CADPS: variants seen among roughly 807,000 people sequenced by gnomAD.
CADPS encodes the protein calcium-dependent secretion activator 1.
CADPS carries 57 observed loss-of-function variants against 167.3 expected under a neutral mutation model. That is an observed-to-expected ratio of 0.34 (90% confidence interval 0.28 to 0.42). CADPS has a LOEUF of 0.42. Among genes scored for constraint, CADPS ranks in the 20% least tolerant of loss-of-function variants. CADPS has a pLI of 1.00. For missense variants in CADPS, 1,414 were observed against 1,738.1 expected, an observed-to-expected ratio of 0.81 and a Z score of 3.32; for synonymous variants, 676 against 635.3, an observed-to-expected ratio of 1.06 and a Z score of -0.96.
intron 12 of CADPS, among the ~76,000 whole-genome samples, chr3:62,533,988 C>G (rs527419525): frequency 1.3e-5 from 2 of 152,144 alleles, no homozygotes; most frequent in Non-Finnish European, 2.9e-5. Flanking sequence ...CAAATTAGAG[C>G]AGGTTTGGTG....
At position 62,514,077 on chromosome 3, in the gene CADPS, G is replaced by A. The variant is rs1037848658; in HGVS notation, c.2582-1309C>T. Among the ~76,000 whole-genome samples, 5 of 152,048 alleles carry A rather than the reference G, an allele frequency of 3.3e-5. No individual in the cohort carries two copies. Among genetic ancestry groups the A allele is most frequent in the African/African-American group, 1.2e-4 (5 of 41,422 alleles). ...CTTGAGGTATTTCTTCATAAACATA[G>A]TCTCCAGCAATATTACTACAACTTC... On this transcript the variant is annotated intron_variant, in intron 16 of 29. Transcript: ENST00000383710. This position sits in a 1 kb window ranked among gnomAD's most constrained non-coding sequence, Gnocchi z 4.2.
At chr3:62,432,288 G>A (rs1413131772) in intron 28 of CADPS, among the ~76,000 whole-genome samples, 1 of 152,130 alleles carries the variant, frequency 6.6e-6, no homozygotes, top group Non-Finnish European at 1.5e-5. Flanking sequence ...CTTTACAGAT[G>A]GGGAAATTGA....
At chr3:62,571,539 C>G (rs1240940588) in intron 8 of CADPS, among the ~76,000 whole-genome samples, 5 of 151,218 alleles carry the variant, frequency 3.3e-5, no homozygotes, top group South Asian at 2.1e-4. Flanking sequence ...GAGCTCAAAG[C>G]CGTCCGGACA....
chr3:62,840,079 A>G (rs1457701145), intron 1 of CADPS, among the ~76,000 whole-genome samples: 3 of 152,186 alleles, frequency 2.0e-5, no homozygotes, highest in Non-Finnish European at 2.9e-5. Context: ...ATTAAATTTG[A>G]TCATGTTCAT....
At chr3:62,668,739 G>C (rs2074955884) in intron 3 of CADPS, among the ~76,000 whole-genome samples, 1 of 152,092 alleles carries the variant, frequency 6.6e-6, no homozygotes, top group African/African-American at 2.4e-5. Context: ...CTGGATCCCT[G>C]GCACCTACTT....
chr3:62,614,448 G>C (rs1450186653), intron 6 of CADPS, among the ~76,000 whole-genome samples: 2 of 152,178 alleles, frequency 1.3e-5, no homozygotes, highest in Non-Finnish European at 2.9e-5. Flanking sequence ...TCTGAAGGCA[G>C]AGAGGCAAGG....
intron 29 of CADPS, among the ~76,000 whole-genome samples, chr3:62,401,058 C>T (rs892322859): frequency 3.9e-5 from 6 of 152,130 alleles, no homozygotes; most frequent in Non-Finnish European, 1.5e-5. Flanking sequence ...TCTGGTTTGA[C>T]ATTAAATTAT....
chr3:62,603,642 G>C (rs916594188), intron 6 of CADPS, among the ~76,000 whole-genome samples: 2 of 152,120 alleles, frequency 1.3e-5, no homozygotes, highest in Non-Finnish European at 2.9e-5. Flanking sequence ...CCTGGTATTT[G>C]ATTTTTAGCA....
chr3:62,829,315 T>TATTATATAGC (rs2074635840), intron 1 of CADPS, among the ~76,000 whole-genome samples: 1 of 152,162 alleles, frequency 6.6e-6, no homozygotes, highest in African/African-American at 2.4e-5. Context: ...ATTGACACTG[T>TATTATATAGC]ATTAGGTATT....
At chr3:62,535,851 C>T (rs971987424) in intron 12 of CADPS, among the ~76,000 whole-genome samples, 5 of 151,738 alleles carry the variant, frequency 3.3e-5, no homozygotes, top group African/African-American at 1.2e-4. Context: ...TATTGATACT[C>T]CTGCTGGATA....
intron 13 of CADPS, among the ~76,000 whole-genome samples, chr3:62,527,765 AC>A (rs1430706570): frequency 1.3e-5 from 2 of 152,168 alleles, no homozygotes; most frequent in Admixed American, 1.3e-4. Context: ...TAGGTAAAAA[AC>A]ATCTTTTTAC....
rs544240687 is a variant in CADPS, at chr3:62,602,785, G to A, written c.1326-10037C>T. ...CCTCTCCAGGAGTCTGAGATCAAAT[G>A]TGTCCAAACCTCAGCTTGATCTCTT... On this transcript the variant is annotated intron_variant, in intron 6 of 29. Coordinates refer to ENST00000383710, the MANE Select transcript of CADPS (RefSeq NM_003716.4). The surrounding 1 kb of genome is among the most constrained non-coding windows in gnomAD (Gnocchi z 4.4). Among the ~76,000 whole-genome samples the A allele has an allele frequency of 6.6e-6, 1 of 152,210 alleles. No homozygotes were observed. The highest frequency in any genetic ancestry group is 2.4e-5 in the African/African-American group (1 of 41,528).
intron 27 of CADPS, chr3:62,440,495 T>TCC (rs3074229): frequency 1.6e-5 from 2 of 128,434 alleles, no homozygotes; most frequent in African/African-American, 2.9e-5. Context: ...TTACTATGAT[T>TCC]CCCCCCCCCC....
intron 21 of CADPS, 86 bp from the exon 22 acceptor site, chr3:62,481,955 T>C: frequency 7.4e-7 from 1 of 1,345,012 alleles, no homozygotes; most frequent in South Asian, 1.3e-5. Flanking sequence ...GTAAATAAAT[T>C]GACCAAGTCC....
intron 3 of CADPS, among the ~76,000 whole-genome samples, chr3:62,702,729 T>C (rs2151587238): frequency 6.6e-6 from 1 of 152,252 alleles, no homozygotes; most frequent in South Asian, 2.1e-4. Flanking sequence ...CACATGACTA[T>C]GGAACAGTTG....
chr3:62,425,089 C>T (rs951995673), intron 28 of CADPS, among the ~76,000 whole-genome samples: 2 of 152,200 alleles, frequency 1.3e-5, no homozygotes, highest in African/African-American at 4.8e-5. Context: ...ATAATACTAT[C>T]TCTTCCCATC....
chr3:62,740,979 A>T (rs1442052439), intron 3 of CADPS, among the ~76,000 whole-genome samples: 1 of 152,148 alleles, frequency 6.6e-6, no homozygotes, highest in Admixed American at 6.5e-5. Context: ...TATTCCTTCA[A>T]ATTGCATTGT....
At chr3:62,844,845 G>A (rs1395547200) in intron 1 of CADPS, among the ~76,000 whole-genome samples, 1 of 152,122 alleles carries the variant, frequency 6.6e-6, no homozygotes, top group Non-Finnish European at 1.5e-5. Flanking sequence ...AGCTAATTAG[G>A]GTTCTTGGTT....
At chr3:62,657,462 T>C (rs1563445407) in intron 4 of CADPS, among the ~76,000 whole-genome samples, 1 of 152,178 alleles carries the variant, frequency 6.6e-6, no homozygotes, top group East Asian at 1.9e-4. Context: ...CCACAATCTG[T>C]CTGCTTAAGC....
Sources: allele counts gnomAD v4.1 joint callset (sites outside exome capture counted in the v4.1 genomes callset), GRCh38; gene constraint gnomAD v4.1.1; non-coding constraint Gnocchi (gnomAD v3.1); transcripts MANE v1.5; gene names NCBI Gene and HGNC (gene_info 2026-07-23, HGNC 2026-07-21).